Variants in HPSE2 observed in about 807,000 individuals in gnomAD.
HPSE2 encodes the protein inactive heparanase-2.
HPSE2 carries 38 observed loss-of-function variants against 60.5 expected under a neutral mutation model. The ratio of observed to expected loss-of-function variants is 0.63; its 90% CI spans 0.48 to 0.82. The LOEUF (loss-of-function observed/expected upper bound fraction) is 0.82. Among genes scored for constraint, HPSE2 ranks in the 40% least tolerant of loss-of-function variants. HPSE2 has a pLI of 0.00. For missense variants in HPSE2, 713 were observed against 740.4 expected, an observed-to-expected ratio of 0.96 and a Z score of 0.43; for synonymous variants, 295 against 293.2, an observed-to-expected ratio of 1.01 and a Z score of -0.06.
intron 9 of HPSE2, among the ~76,000 whole-genome samples, chr10:98,519,068 T>G (rs1289674956): frequency 6.6e-6 from 1 of 152,226 alleles, no homozygotes; most frequent in Non-Finnish European, 1.5e-5. Flanking sequence ...TGCAACTTTC[T>G]GTGAAAGCTG....
Position 99,187,258 on chromosome 10 carries a change from T to C in HPSE2, c.449-42859A>G, listed in dbSNP as rs764833089. 7.6e-4 allele frequency among the ~76,000 whole-genome samples: 115 copies of C among 152,088 alleles called. 5 individuals are homozygous for C. The highest frequency in any genetic ancestry group is 4.4e-4 in the Non-Finnish European group (30 of 68,022). On this transcript the variant is annotated intron_variant, in intron 2 of 11. Coordinates refer to ENST00000370552, the MANE Select transcript of HPSE2 (RefSeq NM_021828.5). ...AATATGTTGGAGTGAAATTATGACA[T>C]CAACAGCAAGAGGTAAGACAGAGAA...
chr10:98,716,442 AAAAT>A (rs35131766), intron 5 of HPSE2, among the ~76,000 whole-genome samples: 2,011 of 148,076 alleles, frequency 0.014, 51 homozygotes, highest in African/African-American at 0.046. Context: ...ATAATAATAA[AAAAT>A]AAATAAATAA....
intron 3 of HPSE2, among the ~76,000 whole-genome samples, chr10:98,917,550 G>A (rs1954155322): frequency 1.3e-5 from 2 of 152,162 alleles, no homozygotes; most frequent in Admixed American, 6.5e-5. Flanking sequence ...ACTTCTCTGA[G>A]CATCCAATTC....
intron 6 of HPSE2, among the ~76,000 whole-genome samples, chr10:98,677,476 G>A (rs2134127738): frequency 6.6e-6 from 1 of 152,248 alleles, no homozygotes; most frequent in South Asian, 2.1e-4. Context: ...AAAAAAGAAG[G>A]AAACTCACAT....
At chr10:99,040,921 C>T (rs551930380) in intron 3 of HPSE2, among the ~76,000 whole-genome samples, 30 of 151,992 alleles carry the variant, frequency 2.0e-4, no homozygotes, top group South Asian at 1.0e-3. Context: ...CCTGTCTCTA[C>T]GAAAAATACA....
chr10:98,580,050 T>C (rs1223293578), intron 9 of HPSE2, among the ~76,000 whole-genome samples: 1 of 152,210 alleles, frequency 6.6e-6, no homozygotes, highest in Non-Finnish European at 1.5e-5. Flanking sequence ...AGTTATACAT[T>C]TCTGTGTTGA....
At chr10:99,284,573 T>G in the HPSE2 span, among the ~76,000 whole-genome samples, 1 of 152,216 alleles carries the variant, frequency 6.6e-6, no homozygotes, top group Non-Finnish European at 1.5e-5. Context: ...CATGACTGTG[T>G]ATTTGGCAAT....
chr10:99,191,885 TAAA>T (rs1848234841), intron 2 of HPSE2, among the ~76,000 whole-genome samples: 3 of 151,954 alleles, frequency 2.0e-5, no homozygotes. Context: ...CAAGATGACA[TAAA>T]GAAGGAATTC....
intron 9 of HPSE2, among the ~76,000 whole-genome samples, chr10:98,603,715 A>G (rs1318658774): frequency 6.6e-6 from 1 of 152,132 alleles, no homozygotes; most frequent in African/African-American, 2.4e-5. Flanking sequence ...GGTGTGAGCC[A>G]CCGTGCCTGG....
At chr10:99,070,763 TC>T (rs1377489660) in intron 3 of HPSE2, among the ~76,000 whole-genome samples, 1 of 152,214 alleles carries the variant, frequency 6.6e-6, no homozygotes, top group Admixed American at 6.5e-5. Context: ...ACAGTATTCG[TC>T]TTTCTGTGAC....
intron 9 of HPSE2, among the ~76,000 whole-genome samples, chr10:98,518,983 A>G (rs1029177584): frequency 2.6e-5 from 4 of 152,190 alleles, no homozygotes; most frequent in African/African-American, 7.2e-5. Context: ...GAACAAGCTG[A>G]GGATAAAGTA....
chr10:99,169,159 C>T (rs1847202609), intron 2 of HPSE2, among the ~76,000 whole-genome samples: 1 of 144,518 alleles, frequency 6.9e-6, no homozygotes, highest in Non-Finnish European at 1.5e-5. Flanking sequence ...CGCCACTGCA[C>T]TCCAGCCTAG....
Position 99,144,317 on chromosome 10 carries a change from T to C in HPSE2, c.531A>G (p.Gln177=). 6.2e-7 allele frequency: 1 copy of C among 1,614,098 alleles called. No homozygotes were observed. The highest frequency in any genetic ancestry group is 8.5e-7 in the Non-Finnish European group (1 of 1,180,012). The change falls in exon 3 of 12, where the codon CAA becomes CAG. Residue 177 remains glutamine, a synonymous_variant. Coordinates refer to ENST00000370552, the MANE Select transcript of HPSE2 (RefSeq NM_021828.5). ...GATGCATCTGAGCTGCCTTCTCCCT[T>C]TGGAGCTCCAGCATAACATCAGGGT... The part of the protein sequence containing the change: ...AQHPDVMLEL[Q]REKAAQMHLV...
rs576277299 is a variant in HPSE2, at chr10:98,796,897, A to G, written c.611-52841T>C. Among the ~76,000 whole-genome samples, 3 of 152,254 alleles carry G rather than the reference A, an allele frequency of 2.0e-5. No individual in the cohort carries two copies. The South Asian group carries it at 6.2e-4, about 32-fold the overall frequency. On this transcript the variant is annotated intron_variant, in intron 3 of 11. Transcript: ENST00000370552. Reference sequence around the variant, plus strand: ...AGAGTCTCTGCTTGGTAATCCAGATAACTCTTCAAAATCTTATCCAAGACC... The same window carrying G: ...AGAGTCTCTGCTTGGTAATCCAGATGACTCTTCAAAATCTTATCCAAGACC...
intron 9 of HPSE2, among the ~76,000 whole-genome samples, chr10:98,584,511 A>G (rs1201504445): frequency 2.0e-5 from 3 of 152,186 alleles, no homozygotes; most frequent in Non-Finnish European, 4.4e-5. Context: ...ACTTCCTGAA[A>G]AATCCATCAA....
intron 9 of HPSE2, among the ~76,000 whole-genome samples, chr10:98,612,088 T>C (rs1261716591): frequency 2.6e-5 from 4 of 152,220 alleles, no homozygotes; most frequent in African/African-American, 9.6e-5. Flanking sequence ...GAATCCAAGT[T>C]TGTCCAACTC....
intron 3 of HPSE2, among the ~76,000 whole-genome samples, chr10:98,846,093 G>A (rs1952027934): frequency 6.6e-6 from 1 of 152,110 alleles, no homozygotes; most frequent in Non-Finnish European, 1.5e-5. Flanking sequence ...ATGAGTTTTT[G>A]TCATGACTGA....
At chr10:98,567,257 A>G (rs1160648300) in intron 9 of HPSE2, among the ~76,000 whole-genome samples, 3 of 152,218 alleles carry the variant, frequency 2.0e-5, no homozygotes, top group Non-Finnish European at 4.4e-5. Context: ...AAGGGCTCAC[A>G]TACATCCCTT....
chr10:98,911,325 A>C (rs1953972417), intron 3 of HPSE2, among the ~76,000 whole-genome samples: 1 of 152,126 alleles, frequency 6.6e-6, no homozygotes, highest in South Asian at 2.1e-4. Flanking sequence ...CAGGCTTCTG[A>C]GGGGGAATAG....
Sources: allele counts gnomAD v4.1 joint callset (sites outside exome capture counted in the v4.1 genomes callset), GRCh38; gene constraint gnomAD v4.1.1; transcripts MANE v1.5; gene names NCBI Gene and HGNC (gene_info 2026-07-23, HGNC 2026-07-21).